The following XKR6 variants were observed in gnomAD, a reference collection of about 807,000 sequenced individuals.
XKR6 encodes the protein XK related 6.
In XKR6, 22 loss-of-function variants were observed where a neutral mutation model predicts 56.7. The observed-to-expected ratio is 0.39, with a 90% CI of 0.28 to 0.55. The LOEUF is 0.55. Ranked by LOEUF, XKR6 falls within the 20% of genes least tolerant of loss-of-function variation. The pLI, the probability that XKR6 is intolerant of heterozygous loss-of-function variation, is 0.66. For missense variants in XKR6, 852 were observed against 889.0 expected (o/e 0.96, Z 0.53); for synonymous variants, 524 against 387.8 (o/e 1.35, Z -4.13).
At chr8:10,908,619 C>T (rs1800251167) in intron 2 of XKR6, among the ~76,000 whole-genome samples, 1 of 152,178 alleles carries the variant, frequency 6.6e-6, no homozygotes, top group Non-Finnish European at 1.5e-5. Flanking sequence ...CTCACCAAGA[C>T]CTTTATGCAA....
At chr8:11,158,567 T>G in intron 1 of XKR6, among the ~76,000 whole-genome samples, 1 of 152,186 alleles carries the variant, frequency 6.6e-6, no homozygotes, top group East Asian at 1.9e-4. Flanking sequence ...TTTACTTCAT[T>G]AGTCGCCATT....
chr8:10,905,335 G>A (rs1470242210), intron 2 of XKR6, among the ~76,000 whole-genome samples: 5 of 152,144 alleles, frequency 3.3e-5, no homozygotes, highest in East Asian at 1.9e-4. Flanking sequence ...TGTGACAGTC[G>A]GGATTGGGAT....
In XKR6 at chr8:11,048,344, C is replaced by T. The variant is rs76269796; in HGVS notation, c.765-123514G>A. Among the ~76,000 whole-genome samples, 7 of 152,246 alleles carry T rather than the reference C, an allele frequency of 4.6e-5. 1 individual carries two copies. The East Asian group carries it at 7.7e-4, about 17-fold the overall frequency. On this transcript the variant is annotated intron_variant, in intron 1 of 2. Coordinates refer to ENST00000416569, the MANE Select transcript of XKR6 (RefSeq NM_173683.4). The stretch of plus-strand genomic sequence containing the variant: ...CTCAGGAAGGAAGTTCAGGTCTTCT[C>T]GCCAGGGGGAGGGAAACTACTGCTT...
intron 1 of XKR6, among the ~76,000 whole-genome samples, chr8:11,198,516 G>GAA (rs35499478): frequency 2.1e-5 from 3 of 145,160 alleles, no homozygotes; most frequent in African/African-American, 7.6e-5. Flanking sequence ...GTTAAGATCA[G>GAA]AAAAAAAAAA....
intron 1 of XKR6, among the ~76,000 whole-genome samples, chr8:10,970,973 T>C (rs1048518525): frequency 4.0e-5 from 6 of 151,822 alleles, no homozygotes; most frequent in African/African-American, 1.5e-4. Context: ...GTTTCCCTTT[T>C]TGTCTCAGCT....
chr8:11,134,273 T>A (rs1800269998), intron 1 of XKR6, among the ~76,000 whole-genome samples: 1 of 152,302 alleles, frequency 6.6e-6, no homozygotes, highest in Middle Eastern at 3.4e-3. Flanking sequence ...CTGGATTACC[T>A]CCCTTTCCAT....
intron 2 of XKR6, among the ~76,000 whole-genome samples, chr8:10,921,481 C>T (rs552271906): frequency 6.6e-6 from 1 of 152,300 alleles, no homozygotes; most frequent in African/African-American, 2.4e-5. Context: ...TAAACACAGC[C>T]CCTTATGTGC....
chr8:11,008,775 C>T (rs1218495300), intron 1 of XKR6, among the ~76,000 whole-genome samples: 1 of 152,076 alleles, frequency 6.6e-6, no homozygotes, highest in Non-Finnish European at 1.5e-5. Context: ...CTTCCAGGAG[C>T]CCTGATGGAG....
intron 1 of XKR6, among the ~76,000 whole-genome samples, chr8:10,977,270 C>G (rs1236743764): frequency 2.0e-5 from 3 of 152,068 alleles, no homozygotes; most frequent in African/African-American, 7.2e-5. Context: ...TTTTCAATAG[C>G]AAAGAAAGCC....
At chr8:11,188,397 A>T (rs557637636) in intron 1 of XKR6, among the ~76,000 whole-genome samples, 2 of 152,296 alleles carry the variant, frequency 1.3e-5, no homozygotes, top group East Asian at 3.9e-4. Flanking sequence ...CAAACTCATC[A>T]TGTGATTGTC....
rs1385319255 is a variant in XKR6 at position 10,898,405 on chromosome 8, C to T, written c.1473G>A (p.Met491Ile). 1 of 1,613,902 alleles carries T rather than the reference C, an allele frequency of 6.2e-7. No homozygotes were observed. Among genetic ancestry groups the T allele is most frequent in the African/African-American group, 1.3e-5 (1 of 74,884 alleles). ...FISFVAGIAMMLLYYGVLHPT... is the reference protein window; with the variant it reads ...FISFVAGIAMILLYYGVLHPT... ...GATGCAGCACGCCATAGTATAAGAGCATCATTGCGATCCCAGCCACAAAGC... is the reference window on the plus strand; with the variant it reads ...GATGCAGCACGCCATAGTATAAGAGTATCATTGCGATCCCAGCCACAAAGC... The change falls in exon 3 of 3, where the codon ATG becomes ATA. Residue 491 changes from methionine to isoleucine, a missense_variant. By Grantham distance (10) the Met-to-Ile change is conservative (BLOSUM62 1). Transcript: ENST00000416569. This position sits in a 1 kb window ranked among gnomAD's most constrained non-coding sequence, Gnocchi z 6.6.
intron 1 of XKR6, among the ~76,000 whole-genome samples, chr8:11,122,619 C>A (rs1190285019): frequency 6.6e-6 from 1 of 152,154 alleles, no homozygotes; most frequent in Non-Finnish European, 1.5e-5. Context: ...AGATATCAGG[C>A]CAATTCTTTA....
intron 1 of XKR6, chr8:11,194,552 G>A (rs983550206): frequency 1.3e-5 from 2 of 152,176 alleles, no homozygotes; most frequent in Non-Finnish European, 2.9e-5. Flanking sequence ...CACATCATGG[G>A]GAGTAAACTA....
At position 11,085,899 on chromosome 8, in the gene XKR6, C is replaced by A. The variant is rs141610444; in HGVS notation, c.764+114677G>T. Reference sequence around the variant, plus strand: ...TGAGAATGCTGAAAATCTACTGGGTCAGAATGTCTGCAGGTGGGACCCAGG... The same window carrying A: ...TGAGAATGCTGAAAATCTACTGGGTAAGAATGTCTGCAGGTGGGACCCAGG... On this transcript the variant is annotated intron_variant, in intron 1 of 2. Coordinates refer to ENST00000416569, the MANE Select transcript of XKR6 (RefSeq NM_173683.4). Among the ~76,000 whole-genome samples, 12 of 152,236 alleles carry A rather than the reference C, an allele frequency of 7.9e-5. No individual in the cohort carries two copies. The South Asian group carries it at 2.1e-3, about 26-fold the overall frequency.
chr8:11,169,815 G>T (rs1444712319), intron 1 of XKR6, among the ~76,000 whole-genome samples: 1 of 151,578 alleles, frequency 6.6e-6, no homozygotes, highest in African/African-American at 2.4e-5. Context: ...GTGCAAAAAT[G>T]GTAAAAATGA....
Position 10,992,844 on chromosome 8 carries a change from C to T in XKR6, c.765-68014G>A, listed in dbSNP as rs143770974. On this transcript the variant is annotated intron_variant, in intron 1 of 2. Coordinates refer to ENST00000416569, the MANE Select transcript of XKR6 (RefSeq NM_173683.4). The stretch of plus-strand genomic sequence containing the variant: ...GGCACGTCCACAGCCCCTGGGACAA[C>T]GCCACCAAATGGATGTCTCCATGAT... Among the ~76,000 whole-genome samples the T allele has an allele frequency of 8.3e-3, 1,262 of 152,240 alleles. 15 individuals are homozygous for T. Among genetic ancestry groups the T allele is most frequent in the Non-Finnish European group, 0.011 (727 of 68,024 alleles).
chr8:11,019,514 C>A (rs142308083), intron 1 of XKR6, among the ~76,000 whole-genome samples: 372 of 152,348 alleles, frequency 2.4e-3, no homozygotes, highest in African/African-American at 8.7e-3. Context: ...GGAGACAGGG[C>A]AGCCTGGCCA....
At chr8:11,057,604 G>A (rs148983922) in intron 1 of XKR6, among the ~76,000 whole-genome samples, 1 of 152,328 alleles carries the variant, frequency 6.6e-6, no homozygotes, top group Non-Finnish European at 1.5e-5. Context: ...CTGGGCGGGT[G>A]TAGTTTTGTT....
chr8:10,962,136 C>T (rs1802082695), intron 1 of XKR6, among the ~76,000 whole-genome samples: 1 of 152,104 alleles, frequency 6.6e-6, no homozygotes, highest in East Asian at 1.9e-4. Flanking sequence ...AGGAAATGGC[C>T]CCTCCTAGAA....
Sources: allele counts gnomAD v4.1 joint callset (sites outside exome capture counted in the v4.1 genomes callset), GRCh38; gene constraint gnomAD v4.1.1; non-coding constraint Gnocchi (gnomAD v3.1); transcripts MANE v1.5; gene names NCBI Gene and HGNC (gene_info 2026-07-23, HGNC 2026-07-21).